Variants in C4orf36 observed in about 807,000 individuals in gnomAD.
C4orf36 encodes uncharacterized protein C4orf36.
In C4orf36, 11 loss-of-function variants were observed where a neutral mutation model predicts 12.2. That is an observed-to-expected ratio of 0.90 (90% CI 0.57 to 1.49). C4orf36 has a LOEUF of 1.49. Ranked by LOEUF, C4orf36 falls within the 40% of genes most tolerant of loss-of-function variation. C4orf36 has a pLI of 0.00. For missense variants in C4orf36, 137 were observed against 133.9 expected (o/e 1.02, Z -0.11); for synonymous variants, 54 against 51.3 (o/e 1.05, Z -0.22).
At chr4:86,906,064 C>T in the C4orf36 span, among the ~76,000 whole-genome samples, 2 of 152,108 alleles carry the variant, frequency 1.3e-5, no homozygotes, top group Non-Finnish European at 2.9e-5. Context: ...GATGATTAGT[C>T]AGCAAACCGG....
rs546541598 is a variant in C4orf36 at position 86,884,333 on chromosome 4, C to A, written c.*2+3425G>T. 3.0e-5 allele frequency among the ~76,000 whole-genome samples: 4 copies of A among 135,048 alleles called. No homozygotes were observed. In the South Asian group the frequency reaches 9.4e-4, roughly 32 times the overall value. The allele number at this position is 135,048 out of a possible 152,430, so 88.6% of individuals were successfully genotyped here. A position where few individuals can be genotyped will look rare whatever the true frequency, so the allele number is the denominator to read the frequency against. On this transcript the variant is annotated intron_variant, in intron 4 of 4. Transcript: ENST00000295898. ...TTTTTTTTTTTTTTTGAGACACGTT[C>A]TCACTCTGCTGCCTTGGCTGGAGTG...
intron 4 of C4orf36, among the ~76,000 whole-genome samples, chr4:86,878,271 T>TATGG (rs1746973002): frequency 6.6e-6 from 1 of 152,208 alleles, no homozygotes; most frequent in South Asian, 2.1e-4. Flanking sequence ...GCACTCCCTG[T>TATGG]ATGGCTTCAC....
rs372302450 is a variant in C4orf36, at chr4:86,877,871, A to C, written c.*3-1428T>G. Reference sequence around the variant, plus strand: ...ACATTTATAAAATCTGCATTTCTATAATTACAGATGTACTGATATGCTATC... The same window carrying C: ...ACATTTATAAAATCTGCATTTCTATCATTACAGATGTACTGATATGCTATC... On this transcript the variant is annotated intron_variant, in intron 4 of 4. Coordinates refer to ENST00000295898, the MANE Select transcript of C4orf36 (RefSeq NM_144645.4). Among the ~76,000 whole-genome samples, 15 of 152,308 alleles carry C rather than the reference A, an allele frequency of 9.8e-5. No individual in the cohort carries two copies. The East Asian group carries it at 2.5e-3, about 25-fold the overall frequency.
intron 4 of C4orf36, among the ~76,000 whole-genome samples, chr4:86,885,048 T>C (rs1747143429): frequency 6.6e-6 from 1 of 152,206 alleles, no homozygotes; most frequent in East Asian, 1.9e-4. Context: ...CTCTGTTCCA[T>C]TGGTCTATAT....
the C4orf36 span, among the ~76,000 whole-genome samples, chr4:86,927,167 C>T: frequency 6.6e-6 from 1 of 152,140 alleles, no homozygotes; most frequent in African/African-American, 2.4e-5. Context: ...ATGTACCCTG[C>T]CCAGGCTTGT....
At chr4:86,913,127 A>C in the C4orf36 span, 1 of 209,430 alleles carries the variant, frequency 4.8e-6, no homozygotes. Context: ...TTCAAACAAA[A>C]CCACATGGTA....
chr4:86,904,566 G>C, the C4orf36 span, among the ~76,000 whole-genome samples: 1 of 118,102 alleles, frequency 8.5e-6, no homozygotes, highest in Non-Finnish European at 1.6e-5. Flanking sequence ...TGGCGACAGA[G>C]CAAGACTCTG....
the C4orf36 span, among the ~76,000 whole-genome samples, chr4:86,900,985 C>CTT: frequency 2.6e-4 from 36 of 138,058 alleles, no homozygotes; most frequent in African/African-American, 8.5e-4. Context: ...GCAGTGGTTC[C>CTT]TTTTTTTTTT....
At chr4:86,924,362 G>A in the C4orf36 span, among the ~76,000 whole-genome samples, 2 of 152,168 alleles carry the variant, frequency 1.3e-5, no homozygotes, top group Non-Finnish European at 2.9e-5. Context: ...GGCACACCTG[G>A]CTAATTTTTT....
the C4orf36 span, among the ~76,000 whole-genome samples, chr4:86,929,196 C>T: frequency 1.4e-4 from 22 of 152,132 alleles, no homozygotes; most frequent in African/African-American, 2.2e-4. Flanking sequence ...GTTGGACTTG[C>T]GGCATGTTTT....
the C4orf36 span, among the ~76,000 whole-genome samples, chr4:86,911,550 C>G: frequency 6.6e-6 from 1 of 152,190 alleles, no homozygotes; most frequent in Admixed American, 6.5e-5. Flanking sequence ...GGAAAGCTTG[C>G]TGAGGGTTTT....
At chr4:86,924,871 C>T in the C4orf36 span, 1 of 152,202 alleles carries the variant, frequency 6.6e-6, no homozygotes, top group East Asian at 1.9e-4. Flanking sequence ...GTTTAATTTA[C>T]TCATGGTTCT....
chr4:86,913,292 T>G, the C4orf36 span: 1 of 694,464 alleles, frequency 1.4e-6, no homozygotes, highest in Non-Finnish European at 2.6e-6. Flanking sequence ...TCGAGAGTCT[T>G]GAAATCCTAA....
chr4:86,887,645 A>G (rs1747226820), intron 4 of C4orf36, 113 bp downstream of exon 4: 1 of 1,285,740 alleles, frequency 7.8e-7, no homozygotes, highest in Admixed American at 2.3e-5. Flanking sequence ...GCAGTGGCCC[A>G]TCCACCAGTG....
At chr4:86,932,373 T>A in the C4orf36 span, 3 of 151,652 alleles carry the variant, frequency 2.0e-5, no homozygotes, top group African/African-American at 7.3e-5. Flanking sequence ...AAAGATTTAT[T>A]TATATACTTT....
chr4:86,919,328 T>TCC, the C4orf36 span, among the ~76,000 whole-genome samples: 1 of 137,592 alleles, frequency 7.3e-6, no homozygotes. Flanking sequence ...TTTTTTTTTT[T>TCC]TTTTTTTTTT....
chr4:86,913,879 A>G, the C4orf36 span: 1 of 898,590 alleles, frequency 1.1e-6, no homozygotes, highest in South Asian at 1.4e-5. Context: ...CCCAGGCTGG[A>G]GTGCAGTGGC....
At chr4:86,930,961 C>T in the C4orf36 span, among the ~76,000 whole-genome samples, 1 of 152,232 alleles carries the variant, frequency 6.6e-6, no homozygotes, top group African/African-American at 2.4e-5. Flanking sequence ...TATCTGCCCA[C>T]AATCTATACC....
chr4:86,888,645 A>C (rs1403665421), intron 2 of C4orf36, among the ~76,000 whole-genome samples: 1 of 152,216 alleles, frequency 6.6e-6, no homozygotes. Flanking sequence ...TCATACATTG[A>C]GCAGGGTGCT....
Sources: gnomAD v4.1 joint callset for allele counts (sites outside exome capture counted in the v4.1 genomes callset) on GRCh38, gnomAD v4.1.1 for gene constraint, MANE v1.5 for transcripts, NCBI Gene and HGNC (gene_info 2026-07-23, HGNC 2026-07-21) for gene names.